OSBPL6: variants seen among roughly 807,000 people sequenced by gnomAD.
OSBPL6 encodes oxysterol-binding protein-related protein 6.
In OSBPL6, 49 loss-of-function variants were observed where a neutral mutation model predicts 125.8. The ratio of observed to expected loss-of-function variants is 0.39; its 90% confidence interval spans 0.31 to 0.49. The LOEUF is 0.49. OSBPL6 is among the 20% of genes least tolerant of loss of function. The pLI, the probability that OSBPL6 is intolerant of heterozygous loss-of-function variation, is 0.88. For synonymous variants in OSBPL6, 394 were observed against 391.8 expected, an observed-to-expected ratio of 1.01 and a Z score of -0.07; for missense variants, 986 against 1,135.4, an observed-to-expected ratio of 0.87 and a Z score of 1.89.
chr2:178,319,072 T>C (rs1198149316), intron 3 of OSBPL6, among the ~76,000 whole-genome samples: 1 of 152,196 alleles, frequency 6.6e-6, no homozygotes, highest in Non-Finnish European at 1.5e-5. Flanking sequence ...TGTCTACGTG[T>C]CATAGTAAAT....
intron 11 of OSBPL6, among the ~76,000 whole-genome samples, chr2:178,348,086 A>G (rs1018208386): frequency 1.3e-5 from 2 of 152,184 alleles, no homozygotes; most frequent in African/African-American, 4.8e-5. Flanking sequence ...CCTTGGAGAA[A>G]AAGTGCCCTC....
chr2:178,219,791 C>T (rs1481750013), intron 1 of OSBPL6, among the ~76,000 whole-genome samples: 2 of 152,126 alleles, frequency 1.3e-5, no homozygotes, highest in Admixed American at 6.5e-5. Context: ...CAATTAGTGA[C>T]ACTGTGGCAT....
chr2:178,230,734 C>T (rs1313349995), intron 1 of OSBPL6, among the ~76,000 whole-genome samples: 1 of 152,134 alleles, frequency 6.6e-6, no homozygotes. Flanking sequence ...GTCTACCTAC[C>T]TAGATTATAA....
chr2:178,198,639 T>TAAAG (rs1162286529), intron 1 of OSBPL6, among the ~76,000 whole-genome samples: 1 of 150,746 alleles, frequency 6.6e-6, no homozygotes, highest in African/African-American at 2.4e-5. Flanking sequence ...AATAAATAAA[T>TAAAG]AAATAAATAA....
At chr2:178,229,868 A>G (rs908977602) in intron 1 of OSBPL6, among the ~76,000 whole-genome samples, 5 of 152,202 alleles carry the variant, frequency 3.3e-5, no homozygotes, top group African/African-American at 9.6e-5. Flanking sequence ...AAGAAATGCA[A>G]ATAGCAACTC....
At chr2:178,263,028 C>A (rs2092111495) in intron 1 of OSBPL6, among the ~76,000 whole-genome samples, 1 of 151,932 alleles carries the variant, frequency 6.6e-6, no homozygotes, top group Non-Finnish European at 1.5e-5. Flanking sequence ...TCTTTCGATG[C>A]TATAGTTTCA....
intron 11 of OSBPL6, among the ~76,000 whole-genome samples, chr2:178,342,266 T>C (rs1690280307): frequency 1.3e-5 from 2 of 152,154 alleles, no homozygotes; most frequent in Admixed American, 6.5e-5. Context: ...GCCCAGACCA[T>C]TCAGTGGTGG....
intron 1 of OSBPL6, among the ~76,000 whole-genome samples, chr2:178,259,106 T>C (rs754844514): frequency 1.7e-4 from 26 of 152,208 alleles, no homozygotes; most frequent in Non-Finnish European, 2.8e-4. Context: ...AAGGTTGTTG[T>C]TGGAGGAGAT....
intron 3 of OSBPL6, among the ~76,000 whole-genome samples, chr2:178,311,425 T>TGTG (rs1687259850): frequency 6.6e-6 from 1 of 152,188 alleles, no homozygotes; most frequent in South Asian, 2.1e-4. Context: ...CCACCTGGCA[T>TGTG]GTTATCTATT....
intron 2 of OSBPL6, among the ~76,000 whole-genome samples, chr2:178,285,944 C>T (rs553684193): frequency 7.9e-5 from 12 of 152,280 alleles, no homozygotes; most frequent in African/African-American, 2.6e-4. Flanking sequence ...ATGCCATTCC[C>T]GCCCTTTCCT....
intron 11 of OSBPL6, among the ~76,000 whole-genome samples, chr2:178,346,757 C>T (rs1405830948): frequency 3.3e-5 from 5 of 152,220 alleles, no homozygotes; most frequent in African/African-American, 9.6e-5. Flanking sequence ...AAATAAGTCC[C>T]CAGTCTGAAC....
intron 1 of OSBPL6, among the ~76,000 whole-genome samples, chr2:178,233,720 C>T (rs1344509686): frequency 6.6e-6 from 1 of 152,184 alleles, no homozygotes; most frequent in East Asian, 1.9e-4. Flanking sequence ...CAGAAGGGAT[C>T]TGGCCATGGA....
intron 1 of OSBPL6, among the ~76,000 whole-genome samples, chr2:178,258,246 G>A (rs1424216503): frequency 2.6e-5 from 4 of 152,026 alleles, no homozygotes; most frequent in African/African-American, 4.8e-5. Flanking sequence ...GATTACAGGC[G>A]TGTGCCACCA....
chr2:178,265,155 T>C (rs1205296470), intron 1 of OSBPL6, among the ~76,000 whole-genome samples: 1 of 144,688 alleles, frequency 6.9e-6, no homozygotes, highest in Non-Finnish European at 1.5e-5. Flanking sequence ...GTGCTAGGAT[T>C]ATAGGCATAA....
At chr2:178,318,562 G>T (rs1687966119) in intron 3 of OSBPL6, among the ~76,000 whole-genome samples, 1 of 152,202 alleles carries the variant, frequency 6.6e-6, no homozygotes, top group African/African-American at 2.4e-5. Flanking sequence ...CTGTTTTGAA[G>T]GAAAATCCAC....
At chr2:178,212,099 C>G (rs2089888793) in intron 1 of OSBPL6, among the ~76,000 whole-genome samples, 1 of 152,154 alleles carries the variant, frequency 6.6e-6, no homozygotes, top group African/African-American at 2.4e-5. Flanking sequence ...CCTGCTGAGT[C>G]TGTGAGGCCT....
chr2:178,261,702 T>A (rs1183529017), intron 1 of OSBPL6, among the ~76,000 whole-genome samples: 1 of 152,240 alleles, frequency 6.6e-6, no homozygotes, highest in Non-Finnish European at 1.5e-5. Flanking sequence ...GAGGCCTTGA[T>A]GCAAAGTGTC....
Position 178,398,479 on chromosome 2 carries a change from G to C in OSBPL6, c.*2920G>C, listed in dbSNP as rs1252758410. ...CAGCACTGGTAGAGGCTGACCAGAA[G>C]CTCATCGATTCCATATGCTGTCACC... On this transcript the variant is annotated 3_prime_UTR_variant, in exon 25 of 25. Coordinates refer to ENST00000190611, the MANE Select transcript of OSBPL6 (RefSeq NM_032523.4). 1 of 152,146 alleles carries C rather than the reference G, an allele frequency of 6.6e-6. No homozygotes were observed. Among genetic ancestry groups the C allele is most frequent in the African/African-American group, 2.4e-5 (1 of 41,432 alleles). The allele number at this position is 152,146 out of a possible 1,614,324, so 9.4% of individuals were successfully genotyped here.
At chr2:178,258,348 G>A (rs547630999) in intron 1 of OSBPL6, among the ~76,000 whole-genome samples, 3 of 150,794 alleles carry the variant, frequency 2.0e-5, no homozygotes, top group Admixed American at 6.6e-5. Context: ...GGCCCGCCTC[G>A]GCCTCCCAGA....
Sources: allele counts gnomAD v4.1 joint callset (sites outside exome capture counted in the v4.1 genomes callset), GRCh38; gene constraint gnomAD v4.1.1; transcripts MANE v1.5; gene names NCBI Gene and HGNC (gene_info 2026-07-23, HGNC 2026-07-21).